The following ACP6 variants were observed in gnomAD, a reference collection of about 807,000 sequenced individuals.
ACP6 encodes lysophosphatidic acid phosphatase type 6.
ACP6 carries 48 observed loss-of-function variants against 48.1 expected under a neutral mutation model. That is an observed-to-expected ratio of 1.00 (90% CI 0.79 to 1.27). The LOEUF is 1.27. Among genes scored for constraint, ACP6 ranks in the 50% most tolerant of loss-of-function variants. The probability of loss-of-function intolerance (pLI) is 0.00; values close to 1 mark genes in which losing one functional copy is unlikely to be tolerated. For synonymous variants in ACP6, 172 were observed against 204.2 expected, an observed-to-expected ratio of 0.84 and a Z score of 1.34; for missense variants, 485 against 529.1, an observed-to-expected ratio of 0.92 and a Z score of 0.82.
chr1:147,665,683 CA>C (rs2148916973), intron 1 of ACP6, among the ~76,000 whole-genome samples: 1 of 152,322 alleles, frequency 6.6e-6, no homozygotes, highest in East Asian at 1.9e-4. Flanking sequence ...GGGCCTGACA[CA>C]AAGCTCCACA....
At chr1:147,632,813 C>T (rs1261731662) in intron 5 of ACP6, among the ~76,000 whole-genome samples, 2 of 151,966 alleles carry the variant, frequency 1.3e-5, no homozygotes, top group Non-Finnish European at 1.5e-5. Context: ...ACTGGAAGCA[C>T]GCACCTATTC....
chr1:147,646,633 A>C lies in ACP6; in HGVS notation c.*790T>G, dbSNP rs34258431. ...AGTTAAAGGTGGAGCTCTTATGTTG[A>C]GTAGTTCCAGCCTTACCATTGCAGA... On this transcript the variant is annotated 3_prime_UTR_variant, in exon 10 of 10. Coordinates refer to ENST00000583509, the MANE Select transcript of ACP6 (RefSeq NM_016361.5). 1.3e-5 allele frequency: 2 copies of C among 152,190 alleles called. No individual in the cohort carries two copies. The highest frequency in any genetic ancestry group is 2.9e-5 in the Non-Finnish European group (2 of 68,080). 9.4% of individuals were successfully genotyped at this position (152,190 alleles called of 1,614,324 possible).
intron 4 of ACP6, among the ~76,000 whole-genome samples, chr1:147,657,091 A>C (rs148108974): frequency 3.9e-4 from 60 of 152,328 alleles, no homozygotes; most frequent in Non-Finnish European, 6.6e-4. Flanking sequence ...CTGTGGAATG[A>C]CTGTACTAAG....
chr1:147,662,065 CA>C (rs1660573119), intron 1 of ACP6, among the ~76,000 whole-genome samples: 1 of 152,232 alleles, frequency 6.6e-6, no homozygotes, highest in African/African-American at 2.4e-5. Flanking sequence ...ACAAAGCCTG[CA>C]TGGCAGGACA....
Position 147,659,740 on chromosome 1 carries a change from G to C in ACP6, c.255C>G (p.Pro85=). 6.2e-7 allele frequency: 1 copy of C among 1,614,070 alleles called. No individual in the cohort carries two copies. Among genetic ancestry groups the C allele is most frequent in the Non-Finnish European group, 8.5e-7 (1 of 1,180,030 alleles). Residue 85 remains proline (P), a synonymous_variant, in exon 2 of 10, where the codon CCC becomes CCG. Coordinates refer to ENST00000583509, the MANE Select transcript of ACP6 (RefSeq NM_016361.5). Reference sequence around the variant, plus strand: ...TGACTGTGTAATCAAACTGAGTTTGGGGTGGGACCTCTAATAGCTGGGGGT... The same window carrying C: ...TGACTGTGTAATCAAACTGAGTTTGCGGTGGGACCTCTAATAGCTGGGGGT... ...EWNPQLLEVP[P]QTQFDYTVTN... is the part of the protein sequence containing the mutation.
Sources: gnomAD v4.1 joint callset for allele counts (sites outside exome capture counted in the v4.1 genomes callset) on GRCh38, gnomAD v4.1.1 for gene constraint, MANE v1.5 for transcripts, NCBI Gene and HGNC (gene_info 2026-07-23, HGNC 2026-07-21) for gene names.